The following UNC5D variants were observed in gnomAD, a reference collection of about 807,000 sequenced individuals.
UNC5D encodes the protein unc-5 netrin receptor D.
A neutral mutation model predicts 105.4 loss-of-function variants in UNC5D; 39 were observed. The observed-to-expected ratio is 0.37, with a 90% CI of 0.29 to 0.48. The LOEUF (loss-of-function observed/expected upper bound fraction) is 0.48, where lower values mean the gene tolerates loss of function less well. Among genes scored for constraint, UNC5D ranks in the 20% least tolerant of loss-of-function variants. UNC5D has a pLI of 0.98. For missense variants in UNC5D, 991 were observed against 1,202.4 expected, an observed-to-expected ratio of 0.82 and a Z score of 2.60; for synonymous variants, 452 against 450.4, an observed-to-expected ratio of 1.00 and a Z score of -0.04.
At chr8:35,395,428 T>C (rs545461409) in intron 1 of UNC5D, among the ~76,000 whole-genome samples, 1 of 152,178 alleles carries the variant, frequency 6.6e-6, no homozygotes, top group Non-Finnish European at 1.5e-5. Context: ...ATTTTCCATA[T>C]CAAAAAGAAA....
At chr8:35,607,914 C>A (rs1309491011) in intron 4 of UNC5D, among the ~76,000 whole-genome samples, 1 of 152,186 alleles carries the variant, frequency 6.6e-6, no homozygotes, top group Non-Finnish European at 1.5e-5. Context: ...ATACGTCACT[C>A]AGTCTCTTCC....
chr8:35,732,200 A>G (rs1484092236), intron 11 of UNC5D, among the ~76,000 whole-genome samples: 2 of 152,212 alleles, frequency 1.3e-5, no homozygotes, highest in Non-Finnish European at 2.9e-5. Flanking sequence ...AGATGGTTTA[A>G]ACAGATTTTG....
At chr8:35,675,387 T>A (rs79907126) in intron 4 of UNC5D, among the ~76,000 whole-genome samples, 1 of 152,156 alleles carries the variant, frequency 6.6e-6, no homozygotes, top group Non-Finnish European at 1.5e-5. Context: ...CATCCTTAGA[T>A]GGGAGATACT....
intron 4 of UNC5D, among the ~76,000 whole-genome samples, chr8:35,648,270 C>G (rs563540737): frequency 6.6e-6 from 1 of 152,254 alleles, no homozygotes; most frequent in East Asian, 1.9e-4. Context: ...AATCCAGAAA[C>G]AACCGTTTAC....
chr8:35,415,357 G>T (rs1015901467), intron 1 of UNC5D, among the ~76,000 whole-genome samples: 12 of 152,102 alleles, frequency 7.9e-5, no homozygotes, highest in African/African-American at 2.7e-4. Flanking sequence ...CTTTGACAAT[G>T]CAATCCACCT....
At chr8:35,698,614 T>A (rs905104730) in intron 7 of UNC5D, among the ~76,000 whole-genome samples, 1 of 152,196 alleles carries the variant, frequency 6.6e-6, no homozygotes, top group Non-Finnish European at 1.5e-5. Context: ...AGGTGAATAA[T>A]ATTTCATTGT....
chr8:35,418,946 T>C (rs962805680), intron 1 of UNC5D, among the ~76,000 whole-genome samples: 11 of 152,202 alleles, frequency 7.2e-5, no homozygotes, highest in Non-Finnish European at 1.0e-4. Context: ...TAACAATTCA[T>C]AGGATGGTCA....
chr8:35,257,299 TCA>T (rs930257462), intron 1 of UNC5D, among the ~76,000 whole-genome samples: 1 of 152,240 alleles, frequency 6.6e-6, no homozygotes, highest in South Asian at 2.1e-4. Context: ...TGTTTATAGA[TCA>T]CAGTTTTTCC....
At chr8:35,299,487 C>G (rs537299599) in intron 1 of UNC5D, among the ~76,000 whole-genome samples, 1 of 152,222 alleles carries the variant, frequency 6.6e-6, no homozygotes, top group South Asian at 2.1e-4. Flanking sequence ...CCTTTCTTCC[C>G]TCTTGATGAT....
intron 1 of UNC5D, among the ~76,000 whole-genome samples, chr8:35,271,213 A>G (rs1027513709): frequency 2.7e-5 from 4 of 148,560 alleles, no homozygotes; most frequent in Non-Finnish European, 6.0e-5. Flanking sequence ...ATATAAATCT[A>G]AAAAAGTATA....
chr8:35,349,836 C>A (rs1033928554), intron 1 of UNC5D, among the ~76,000 whole-genome samples: 1 of 151,884 alleles, frequency 6.6e-6, no homozygotes, highest in Admixed American at 6.6e-5. Flanking sequence ...AAATTAGTGA[C>A]TTTTAATGTC....
At chr8:35,364,970 A>T (rs1802033224) in intron 1 of UNC5D, among the ~76,000 whole-genome samples, 1 of 152,190 alleles carries the variant, frequency 6.6e-6, no homozygotes, top group African/African-American at 2.4e-5. Flanking sequence ...TTCCAAGGTC[A>T]TATAGATTAT....
intron 1 of UNC5D, among the ~76,000 whole-genome samples, chr8:35,421,858 A>G (rs2128966800): frequency 6.6e-6 from 1 of 152,280 alleles, no homozygotes; most frequent in East Asian, 1.9e-4. Flanking sequence ...GAGAAATAAA[A>G]CTTAAACTCA....
At chr8:35,706,034 G>C in intron 8 of UNC5D, 73 bp downstream of exon 8, 2 of 1,031,126 alleles carry the variant, frequency 1.9e-6, no homozygotes, top group Non-Finnish European at 2.8e-6. Context: ...TTGTTTAGGA[G>C]CTGAGCAGAA....
intron 4 of UNC5D, among the ~76,000 whole-genome samples, chr8:35,619,869 A>C (rs961719488): frequency 1.3e-5 from 2 of 152,166 alleles, no homozygotes; most frequent in Admixed American, 6.5e-5. Flanking sequence ...TTTCTACTGC[A>C]CCTGTTGCAC....
chr8:35,386,524 A>AG (rs1281298647), intron 1 of UNC5D, among the ~76,000 whole-genome samples: 1 of 152,188 alleles, frequency 6.6e-6, no homozygotes, highest in Non-Finnish European at 1.5e-5. Context: ...AAGCCTGAGG[A>AG]GGGAAAAAAA....
intron 1 of UNC5D, among the ~76,000 whole-genome samples, chr8:35,416,807 G>A (rs892704534): frequency 6.6e-6 from 1 of 152,166 alleles, no homozygotes; most frequent in Non-Finnish European, 1.5e-5. Flanking sequence ...AAGCCAGTAA[G>A]TATATAACAA....
intron 1 of UNC5D, among the ~76,000 whole-genome samples, chr8:35,292,722 T>TTC (rs1223914063): frequency 6.7e-6 from 1 of 149,098 alleles, no homozygotes; most frequent in Non-Finnish European, 1.5e-5. Flanking sequence ...TTTCCTTTTT[T>TTC]TTTTTTTTTT....
chr8:35,456,881 A>T (rs1225685556), intron 1 of UNC5D, among the ~76,000 whole-genome samples: 1 of 152,196 alleles, frequency 6.6e-6, no homozygotes, highest in Non-Finnish European at 1.5e-5. Context: ...CTGTTTTTGG[A>T]GGAGTTACAA....
Sources: gnomAD v4.1 joint callset for allele counts (sites outside exome capture counted in the v4.1 genomes callset) on GRCh38, gnomAD v4.1.1 for gene constraint, MANE v1.5 for transcripts, NCBI Gene and HGNC (gene_info 2026-07-23, HGNC 2026-07-21) for gene names.